The following C2orf42 variants were observed in gnomAD, a reference collection of about 807,000 sequenced individuals.
C2orf42 encodes the protein uncharacterized protein C2orf42.
A neutral mutation model predicts 58.9 loss-of-function variants in C2orf42; 44 were observed. The observed-to-expected ratio is 0.75, with a 90% CI of 0.59 to 0.96. The LOEUF (loss-of-function observed/expected upper bound fraction) is 0.96. Ranked by LOEUF, C2orf42 falls within the 40% of genes least tolerant of loss-of-function variation. The pLI is 0.00. For missense variants in C2orf42, 630 were observed against 699.2 expected, an observed-to-expected ratio of 0.90 and a Z score of 1.12; for synonymous variants, 239 against 265.4, an observed-to-expected ratio of 0.90 and a Z score of 0.97.
chr2:70,183,695 C>T (rs1392217771), intron 1 of C2orf42, among the ~76,000 whole-genome samples: 6 of 148,092 alleles, frequency 4.1e-5, no homozygotes, highest in Non-Finnish European at 1.5e-5. Flanking sequence ...GGATTACAGG[C>T]GTGAGCCAAT....
At chr2:70,169,368 A>T (rs1673638972) in intron 6 of C2orf42, among the ~76,000 whole-genome samples, 189 bp downstream of exon 6, 1 of 152,122 alleles carries the variant, frequency 6.6e-6, no homozygotes, top group African/African-American at 2.4e-5. Flanking sequence ...CTAAATTATA[A>T]TAATTTTGCT....
At chr2:70,165,504 C>G (rs746490320) in intron 7 of C2orf42, 24 bp downstream of exon 7, 1 of 1,263,374 alleles carries the variant, frequency 7.9e-7, no homozygotes, top group Non-Finnish European at 1.2e-6. Flanking sequence ...ACATCCATCA[C>G]TATACCAAAG....
intron 9 of C2orf42, 26 bp from the exon 10 acceptor site, chr2:70,150,590 A>G: frequency 6.4e-7 from 1 of 1,556,364 alleles, no homozygotes; most frequent in Non-Finnish European, 8.9e-7. Flanking sequence ...GAGTATTAGT[A>G]CAATTCCACC....
At chr2:70,183,738 A>AAC (rs1553412197) in intron 1 of C2orf42, among the ~76,000 whole-genome samples, 13 of 151,348 alleles carry the variant, frequency 8.6e-5, no homozygotes, top group African/African-American at 3.2e-4. Context: ...TTAAAAAAAA[A>AAC]AAAAAAGAAC....
intron 1 of C2orf42, among the ~76,000 whole-genome samples, chr2:70,185,104 T>A (rs1674844864): frequency 6.8e-6 from 1 of 147,948 alleles, no homozygotes; most frequent in South Asian, 2.1e-4. Context: ...AAAATAAAAA[T>A]AAAAAAATGT....
At chr2:70,184,093 G>T (rs554694622) in intron 1 of C2orf42, among the ~76,000 whole-genome samples, 1 of 152,154 alleles carries the variant, frequency 6.6e-6, no homozygotes, top group Non-Finnish European at 1.5e-5. Context: ...TTATAAGTGT[G>T]AGCCACACAG....
intron 1 of C2orf42, among the ~76,000 whole-genome samples, chr2:70,188,981 G>A (rs1400812468): frequency 1.3e-5 from 2 of 152,156 alleles, no homozygotes; most frequent in African/African-American, 4.8e-5. Context: ...GCAACTCAAT[G>A]AAGAATATTT....
chr2:70,185,127 G>A (rs1433849273), intron 1 of C2orf42, among the ~76,000 whole-genome samples: 3 of 151,684 alleles, frequency 2.0e-5, no homozygotes, highest in Admixed American at 6.6e-5. Context: ...TAGGCTGGGC[G>A]CAGTGGCTCG....
chr2:70,174,448 G>A (rs904887493), intron 5 of C2orf42, among the ~76,000 whole-genome samples: 5 of 152,100 alleles, frequency 3.3e-5, no homozygotes, highest in Non-Finnish European at 5.9e-5. Context: ...TAAAACTATA[G>A]TACATCACAG....
At chr2:70,158,008 C>A (rs1672794243) in intron 9 of C2orf42, among the ~76,000 whole-genome samples, 1 of 151,958 alleles carries the variant, frequency 6.6e-6, no homozygotes, top group African/African-American at 2.4e-5. Context: ...CGACATCAGC[C>A]TGGTTAACAT....
At chr2:70,155,756 C>A (rs1415461971) in intron 9 of C2orf42, among the ~76,000 whole-genome samples, 1 of 150,240 alleles carries the variant, frequency 6.7e-6, no homozygotes, top group Non-Finnish European at 1.5e-5. Flanking sequence ...GCCGAGATTG[C>A]GCCACTGCAC....
chr2:70,163,256 A>T (rs903301698), intron 8 of C2orf42, among the ~76,000 whole-genome samples: 1 of 148,644 alleles, frequency 6.7e-6, no homozygotes, highest in Admixed American at 6.8e-5. Context: ...ATACATATAT[A>T]TTTTTTGAGA....
intron 1 of C2orf42, among the ~76,000 whole-genome samples, chr2:70,189,764 C>G (rs1291795828): frequency 6.7e-6 from 1 of 150,150 alleles, no homozygotes; most frequent in Non-Finnish European, 1.5e-5. Context: ...TGGTGGCTCA[C>G]GCCTGTAATC....
Position 70,176,461 on chromosome 2 carries a change from G to C in C2orf42, c.935-684C>G, listed in dbSNP as rs185924358. Among the ~76,000 whole-genome samples the C allele has an allele frequency of 2.6e-5, 4 of 150,946 alleles. No homozygotes were observed. In the East Asian group the frequency reaches 7.8e-4, roughly 29 times the overall value. On this transcript the variant is annotated intron_variant, in intron 4 of 9. Coordinates refer to ENST00000264434, the MANE Select transcript of C2orf42 (RefSeq NM_017880.3). Reference sequence around the variant, plus strand: ...GGAGCTTGCAGTGAGCCGAGACTGCGCCACTGCACTCCAGCCTGGGCGACA... The same window carrying C: ...GGAGCTTGCAGTGAGCCGAGACTGCCCCACTGCACTCCAGCCTGGGCGACA...
At position 70,169,568 on chromosome 2, in the gene C2orf42, T is replaced by C. The variant is rs1391502496; in HGVS notation, c.1133A>G (p.Tyr378Cys). Reference sequence around the variant, plus strand: ...TGAACAATACTTACCATCAAACTGATAGTGCATGGTTTGATGGATGCGTTC... The same window carrying C: ...TGAACAATACTTACCATCAAACTGACAGTGCATGGTTTGATGGATGCGTTC... ...VTERIHQTMH[Y>C]QFDGKPEPLV... is the part of the protein sequence containing the mutation. Residue 378 changes from tyrosine (Y) to cysteine (C), a missense_variant, in exon 6 of 10, where the codon TAT becomes TGT. By Grantham distance (194) the Tyr-to-Cys change is radical (BLOSUM62 -2). Coordinates refer to ENST00000264434, the MANE Select transcript of C2orf42 (RefSeq NM_017880.3). 5 of 1,551,364 alleles carry C rather than the reference T, an allele frequency of 3.2e-6. No individual in the cohort carries two copies. Among genetic ancestry groups the C allele is most frequent in the Non-Finnish European group, 4.5e-6 (5 of 1,122,864 alleles).
rs1674148017 is a variant in C2orf42 at position 70,175,744 on chromosome 2, TC to T, written c.967del (p.Asp323MetfsTer3). 5.0e-6 allele frequency: 8 copies of T among 1,612,694 alleles called. No individual in the cohort carries two copies. The highest frequency in any genetic ancestry group is 1.7e-5 in the Admixed American group (1 of 59,972). On this transcript the variant is annotated frameshift_variant, in exon 5 of 10. Transcript: ENST00000264434. LOFTEE classifies it high-confidence loss of function. ...AQMNSSLLPQ[D>X]AVSSNLRKSG... is the part of the protein sequence containing the mutation. ...TTTCCTTAGATTACTGCTCACTGCATCTTGAGGCAGTAGTGAACTGTTCATC... is the reference window on the plus strand; with the variant it reads ...TTTCCTTAGATTACTGCTCACTGCATTTGAGGCAGTAGTGAACTGTTCATC...
At chr2:70,161,319 G>C (rs1458203002) in intron 8 of C2orf42, among the ~76,000 whole-genome samples, 1 of 152,130 alleles carries the variant, frequency 6.6e-6, no homozygotes, top group Non-Finnish European at 1.5e-5. Context: ...ATGGCTGGGA[G>C]GTCAAATGAG....
Position 70,181,972 on chromosome 2 carries a change from G to T in C2orf42, c.14C>A (p.Ser5Tyr). 6.2e-7 allele frequency: 1 copy of T among 1,606,704 alleles called. No homozygotes were observed. Among genetic ancestry groups the T allele is most frequent in the African/African-American group, 1.3e-5 (1 of 74,694 alleles). ...GAAAGCTGGGACTTTAGTCCTCAGA[G>T]AATTTGGTTCCATTTTTCAGAGGCC... MEPNSLRTKVPAFLS... is the reference protein window; with the variant it reads MEPNYLRTKVPAFLS... Residue 5 changes from serine to tyrosine, a missense_variant, in exon 3 of 10, where the codon TCT becomes TAT. Coordinates refer to ENST00000264434, the MANE Select transcript of C2orf42 (RefSeq NM_017880.3).
chr2:70,189,798 G>A (rs368554397), intron 1 of C2orf42, among the ~76,000 whole-genome samples: 2 of 151,778 alleles, frequency 1.3e-5, no homozygotes, highest in Admixed American at 6.6e-5. Context: ...AGGCTGAGGC[G>A]GGAGGATCAC....
Sources: allele counts gnomAD v4.1 joint callset (sites outside exome capture counted in the v4.1 genomes callset), GRCh38; gene constraint gnomAD v4.1.1; transcripts MANE v1.5; gene names NCBI Gene and HGNC (gene_info 2026-07-23, HGNC 2026-07-21).